Variants in GRIA1 observed in about 807,000 individuals in gnomAD.
The protein encoded by GRIA1 is glutamate ionotropic receptor AMPA type subunit 1, also known as glutamate receptor 1.
GRIA1 carries 31 observed loss-of-function variants against 99.2 expected under a neutral mutation model. The observed-to-expected ratio is 0.31, with a 90% CI of 0.23 to 0.42. The LOEUF is 0.42. Among genes scored for constraint, GRIA1 ranks in the 10% least tolerant of loss-of-function variants. GRIA1 has a pLI of 1.00. For missense variants in GRIA1, 782 were observed against 1,157.5 expected (o/e 0.68, Z 4.71); for synonymous variants, 438 against 432.4 (o/e 1.01, Z -0.16).
At chr5:153,802,253 G>A (rs1396344598) in intron 14 of GRIA1, 103 bp from the exon 15 acceptor site, 19 of 910,944 alleles carry the variant, frequency 2.1e-5, no homozygotes, top group Middle Eastern at 3.2e-4. Flanking sequence ...AGGGTGTGGG[G>A]TTGTGTGTAT....
intron 2 of GRIA1, among the ~76,000 whole-genome samples, chr5:153,601,464 T>G (rs997979193): frequency 1.3e-5 from 2 of 152,246 alleles, no homozygotes; most frequent in Admixed American, 1.3e-4. Context: ...TTTCTGACCT[T>G]TTGCTGGGAC....
rs142224755 is a variant in GRIA1 at position 153,661,492 on chromosome 5, T to C, written c.699+5620T>C. Among the ~76,000 whole-genome samples, 30 of 152,306 alleles carry C rather than the reference T, an allele frequency of 2.0e-4. No individual in the cohort carries two copies. The East Asian group carries it at 5.0e-3, about 26-fold the overall frequency. ...TTTTATGCTGCCATAGCCCCAGATA[T>C]TTTTTCACTTACTATACTTGAGATT... On this transcript the variant is annotated intron_variant, in intron 5 of 15. Coordinates refer to ENST00000285900, the MANE Select transcript of GRIA1 (RefSeq NM_000827.4).
At chr5:153,729,498 G>T (rs940298460) in intron 11 of GRIA1, among the ~76,000 whole-genome samples, 1 of 152,074 alleles carries the variant, frequency 6.6e-6, no homozygotes, top group Non-Finnish European at 1.5e-5. Flanking sequence ...AGTAAAGAGT[G>T]TGTTGGGGCA....
chr5:153,600,328 T>C (rs189267235), intron 2 of GRIA1, among the ~76,000 whole-genome samples: 1,519 of 140,490 alleles, frequency 0.011, 18 homozygotes, highest in African/African-American at 0.035. Context: ...GGAGGCGGAG[T>C]TTGCAGTGAG....
chr5:153,652,244 G>A (rs1007103444), intron 4 of GRIA1, among the ~76,000 whole-genome samples: 5 of 152,124 alleles, frequency 3.3e-5, no homozygotes, highest in African/African-American at 7.2e-5. Flanking sequence ...TAACATAGTC[G>A]ATGGAAAAAG....
intron 2 of GRIA1, among the ~76,000 whole-genome samples, chr5:153,601,631 G>A (rs961483262): frequency 6.6e-6 from 1 of 152,218 alleles, no homozygotes; most frequent in African/African-American, 2.4e-5. Context: ...AAGCTCCTAA[G>A]TAAACTAGTT....
At position 153,674,508 on chromosome 5, in the gene GRIA1, G is replaced by T; in HGVS notation, c.708G>T (p.Met236Ile). The T allele has an allele frequency of 6.2e-7, 1 of 1,614,086 alleles. No homozygotes were observed. Among genetic ancestry groups the T allele is most frequent in the Non-Finnish European group, 8.5e-7 (1 of 1,179,982 alleles). Residue 236 changes from methionine (M) to isoleucine (I), a missense_variant, in exon 6 of 16, where the codon ATG becomes ATT. Transcript: ENST00000285900. ...YHYILANLGFMDIDLNKFKES... is the reference protein window; with the variant it reads ...YHYILANLGFIDIDLNKFKES... ...TCCTCCCCCTCTCACAGGGCTTCAT[G>T]GACATTGACTTAAACAAATTCAAGG... is the stretch of plus-strand genomic sequence containing the variant.
intron 11 of GRIA1, among the ~76,000 whole-genome samples, chr5:153,763,866 G>A (rs575894303): frequency 6.6e-6 from 1 of 152,258 alleles, no homozygotes; most frequent in South Asian, 2.1e-4. Flanking sequence ...GCACACAATG[G>A]TGGCATTCCC....
At chr5:153,600,718 T>G (rs760572404) in intron 2 of GRIA1, among the ~76,000 whole-genome samples, 4 of 152,208 alleles carry the variant, frequency 2.6e-5, no homozygotes, top group Non-Finnish European at 4.4e-5. Context: ...GAGACACGTC[T>G]ACCACCATGG....
chr5:153,685,574 T>C (rs1757283571), intron 7 of GRIA1, among the ~76,000 whole-genome samples: 1 of 152,188 alleles, frequency 6.6e-6, no homozygotes, highest in African/African-American at 2.4e-5. Flanking sequence ...TTAGCAGTTA[T>C]CATTTAAGAT....
intron 5 of GRIA1, among the ~76,000 whole-genome samples, chr5:153,657,109 C>T (rs979396320): frequency 3.9e-5 from 6 of 152,144 alleles, no homozygotes; most frequent in Non-Finnish European, 7.4e-5. Context: ...TTTTTCAGTT[C>T]ATGCACATTT....
At chr5:153,519,158 G>C (rs1756901454) in intron 2 of GRIA1, among the ~76,000 whole-genome samples, 1 of 152,080 alleles carries the variant, frequency 6.6e-6, no homozygotes. Context: ...AGCTCCTCAG[G>C]AGGCTGAGGC....
At chr5:153,771,796 C>T (rs1483547199) in intron 13 of GRIA1, among the ~76,000 whole-genome samples, 3 of 152,142 alleles carry the variant, frequency 2.0e-5, no homozygotes, top group Non-Finnish European at 4.4e-5. Context: ...TCTGGGACTA[C>T]GCTAAGCAAG....
At chr5:153,776,150 G>A (rs72804616) in intron 13 of GRIA1, among the ~76,000 whole-genome samples, 7,689 of 152,230 alleles carry the variant, frequency 0.051, 278 homozygotes, top group Non-Finnish European at 0.074. Context: ...GGATCACAGG[G>A]AAGGAAGTCA....
intron 2 of GRIA1, among the ~76,000 whole-genome samples, chr5:153,554,575 C>T (rs1369066531): frequency 6.6e-6 from 1 of 152,166 alleles, no homozygotes; most frequent in East Asian, 1.9e-4. Flanking sequence ...CTCACTGCAA[C>T]CTCTGCCTCC....
rs934480625 is a variant in GRIA1, at chr5:153,597,262, C to T, written c.221-49666C>T. Among the ~76,000 whole-genome samples, 6 of 152,210 alleles carry T rather than the reference C, an allele frequency of 3.9e-5. No individual in the cohort carries two copies. In the East Asian group the frequency reaches 1.2e-3, roughly 29 times the overall value. The stretch of plus-strand genomic sequence containing the variant: ...CTTCAACTCTTAGTACGTTCAGGGA[C>T]TACCTGAATATGAATTGGTTATTGA... On this transcript the variant is annotated intron_variant, in intron 2 of 15. Coordinates refer to ENST00000285900, the MANE Select transcript of GRIA1 (RefSeq NM_000827.4).
At chr5:153,759,048 T>C (rs1257354703) in intron 11 of GRIA1, among the ~76,000 whole-genome samples, 1 of 150,458 alleles carries the variant, frequency 6.6e-6, no homozygotes, top group Non-Finnish European at 1.5e-5. Context: ...CAAATGAAAA[T>C]GAAAACATGA....
chr5:153,542,922 TATAATC>T (rs1415820916), intron 2 of GRIA1, among the ~76,000 whole-genome samples: 1 of 152,250 alleles, frequency 6.6e-6, no homozygotes, highest in African/African-American at 2.4e-5. Flanking sequence ...ACAAGAATGT[TATAATC>T]AGACAGATAT....
chr5:153,502,548 G>A (rs1282498733), intron 2 of GRIA1, among the ~76,000 whole-genome samples: 2 of 152,132 alleles, frequency 1.3e-5, no homozygotes, highest in South Asian at 4.1e-4. Flanking sequence ...AAGGTATAAG[G>A]TTCCATCTTC....
Sources: gnomAD v4.1 joint callset for allele counts (sites outside exome capture counted in the v4.1 genomes callset) on GRCh38, gnomAD v4.1.1 for gene constraint, MANE v1.5 for transcripts, NCBI Gene and HGNC (gene_info 2026-07-23, HGNC 2026-07-21) for gene names.